Variants in LMO7 observed in about 807,000 individuals in gnomAD.
The protein encoded by LMO7 is LIM domain 7.
A neutral mutation model predicts 206.5 loss-of-function variants in LMO7; 120 were observed. That is an observed-to-expected ratio of 0.58 (90% CI 0.50 to 0.68). LMO7 has a LOEUF of 0.68. Ranked by LOEUF, LMO7 falls within the 30% of genes least tolerant of loss-of-function variation. The probability of loss-of-function intolerance (pLI) is 0.00; values close to 1 mark genes in which losing one functional copy is unlikely to be tolerated. For missense variants in LMO7, 1,959 were observed against 1,957.9 expected, an observed-to-expected ratio of 1.00 and a Z score of -0.01; for synonymous variants, 706 against 681.5, an observed-to-expected ratio of 1.04 and a Z score of -0.56.
chr13:75,625,469 GTGTGTGGTTTTGATT>G (rs1250639902), intron 2 of LMO7, among the ~76,000 whole-genome samples: 1 of 151,382 alleles, frequency 6.6e-6, no homozygotes, highest in Non-Finnish European at 1.5e-5. Flanking sequence ...GTGCATGTGT[GTGTGTGGTTTTGATT>G]CATATTAAAG....
intron 10 of LMO7, among the ~76,000 whole-genome samples, chr13:75,808,601 T>A (rs149944710): frequency 2.8e-4 from 42 of 152,336 alleles, no homozygotes; most frequent in African/African-American, 9.9e-4. Flanking sequence ...AAATTTTCCC[T>A]TAAAATATGG....
chr13:75,798,789 ATTTTAATTG>A (rs889179561), intron 6 of LMO7, among the ~76,000 whole-genome samples: 7 of 152,214 alleles, frequency 4.6e-5, no homozygotes, highest in African/African-American at 1.2e-4. Context: ...GAGGTGACTC[ATTTTAATTG>A]ACTTGTCAGC....
exon 1 of LMO7, chr13:75,621,769 G>C: frequency 6.2e-7 from 1 of 1,613,000 alleles, no homozygotes; most frequent in Non-Finnish European, 8.5e-7. Flanking sequence ...CCAGAGAACA[G>C]AGCTCGGAGC....
chr13:75,634,000 T>TG (rs1441985794), upstream of LMO7, among the ~76,000 whole-genome samples: 1 of 150,390 alleles, frequency 6.6e-6, no homozygotes, highest in Non-Finnish European at 1.5e-5. Context: ...CCAGCTAATT[T>TG]TTTTTTTTTT....
intron 5 of LMO7, among the ~76,000 whole-genome samples, chr13:75,796,182 A>G (rs1566477611): frequency 6.6e-6 from 1 of 152,224 alleles, no homozygotes; most frequent in Non-Finnish European, 1.5e-5. Flanking sequence ...GTAGACTCAT[A>G]TGTCTTACAA....
intron 1 of LMO7, among the ~76,000 whole-genome samples, chr13:75,697,498 G>A (rs1594348347): frequency 6.6e-6 from 1 of 152,112 alleles, no homozygotes; most frequent in Admixed American, 6.5e-5. Flanking sequence ...CACAAGAACA[G>A]TATAGGGGAA....
At chr13:75,697,495 A>G (rs867649223) in intron 1 of LMO7, among the ~76,000 whole-genome samples, 1 of 152,158 alleles carries the variant, frequency 6.6e-6, no homozygotes, top group African/African-American at 2.4e-5. Flanking sequence ...TATCACAAGA[A>G]CAGTATAGGG....
In LMO7 at chr13:75,807,869, T is replaced by G. The variant is rs775303043; in HGVS notation, c.1586T>G (p.Val529Gly). 1 of 1,613,882 alleles carries G rather than the reference T, an allele frequency of 6.2e-7. No individual in the cohort carries two copies. The highest frequency in any genetic ancestry group is 1.1e-5 in the South Asian group (1 of 91,064). Residue 529 changes from valine to glycine, a missense_variant, in exon 10 of 31, where the codon GTG (valine) becomes GGG (glycine). Val to Gly is a moderately radical substitution (Grantham distance 109). Coordinates refer to ENST00000377534, the MANE Select transcript of LMO7 (RefSeq NM_001306080.2). Reference sequence around the variant, plus strand: ...CGAATTCCAGCACAGAAGAAAGAAGTGCCGCTGTCTGGGGCCCCAGATAGA... The same window carrying G: ...CGAATTCCAGCACAGAAGAAAGAAGGGCCGCTGTCTGGGGCCCCAGATAGA... ...VRRIPAQKKEVPLSGAPDRYH... is the reference protein window; with the variant it reads ...VRRIPAQKKEGPLSGAPDRYH...
At chr13:75,780,295 C>T (rs1480775346) in intron 4 of LMO7, among the ~76,000 whole-genome samples, 1 of 152,174 alleles carries the variant, frequency 6.6e-6, no homozygotes, top group East Asian at 1.9e-4. Context: ...GGGCGTATTT[C>T]ATCCCAACTG....
At position 75,731,683 on chromosome 13, in the gene LMO7, T is replaced by C. The variant is rs867969274; in HGVS notation, c.210+4585T>C. On this transcript the variant is annotated intron_variant, in intron 3 of 30. Transcript: ENST00000377534. ...TTGAACCTGTCATTATGATGTTAGCTGGTTATTTTGCTCGTTAGTTGATGT... is the reference window on the plus strand; with the variant it reads ...TTGAACCTGTCATTATGATGTTAGCCGGTTATTTTGCTCGTTAGTTGATGT... Among the ~76,000 whole-genome samples the C allele has an allele frequency of 3.3e-4, 50 of 152,294 alleles. No homozygotes were observed. The Middle Eastern group carries it at 0.01, about 31-fold the overall frequency.
intron 7 of LMO7, among the ~76,000 whole-genome samples, chr13:75,801,437 G>A (rs1024761461): frequency 6.6e-6 from 1 of 152,134 alleles, no homozygotes; most frequent in Non-Finnish European, 1.5e-5. Flanking sequence ...CACCTAACAT[G>A]CAGGTAGAAA....
At chr13:75,624,395 T>C (rs1432704892) in intron 2 of LMO7, among the ~76,000 whole-genome samples, 10 of 152,232 alleles carry the variant, frequency 6.6e-5, no homozygotes. Context: ...CTCTCATTTG[T>C]AGGAGAGAGC....
At chr13:75,795,350 A>G (rs1473374882) in intron 4 of LMO7, 51 bp from the exon 5 acceptor site, 2 of 1,240,140 alleles carry the variant, frequency 1.6e-6, no homozygotes. Context: ...GCTATAATTA[A>G]TAATTTAAGG....
chr13:75,731,472 C>T (rs1476453360), intron 3 of LMO7, among the ~76,000 whole-genome samples: 35 of 151,734 alleles, frequency 2.3e-4, no homozygotes, highest in African/African-American at 7.7e-4. Context: ...TTTTGTTTTC[C>T]ATTTGCTTGG....
chr13:75,717,133 G>T (rs2043606268), intron 2 of LMO7, among the ~76,000 whole-genome samples: 1 of 151,952 alleles, frequency 6.6e-6, no homozygotes, highest in Admixed American at 6.6e-5. Context: ...GGAGTCCGAG[G>T]CGGGCGGATC....
intron 4 of LMO7, among the ~76,000 whole-genome samples, chr13:75,781,934 A>G (rs1275840922): frequency 1.3e-5 from 2 of 152,102 alleles, no homozygotes; most frequent in African/African-American, 4.8e-5. Context: ...TCTTTTGAGA[A>G]GTGTCTGTTC....
At chr13:75,786,533 C>A (rs946202955) in intron 4 of LMO7, among the ~76,000 whole-genome samples, 1 of 152,046 alleles carries the variant, frequency 6.6e-6, no homozygotes, top group Non-Finnish European at 1.5e-5. Context: ...AGCCACCACG[C>A]CTGGCTAATT....
Position 75,626,247 on chromosome 13 carries a change from T to C in LMO7, c.225+2927T>C, listed in dbSNP as rs547541915. ...CTGCTGATAAAGACATACCCGAGAC[T>C]GGGAAGAAAAAGACGTTTAATGGGA... On this transcript the variant is annotated intron_variant, in intron 2 of 29. Coordinates refer to the LMO7 transcript ENST00000341547. Among the ~76,000 whole-genome samples, 9 of 152,082 alleles carry C rather than the reference T, an allele frequency of 5.9e-5. No individual in the cohort carries two copies. The South Asian group carries it at 1.5e-3, about 25-fold the overall frequency.
chr13:75,763,832 G>A (rs2048505176), intron 4 of LMO7, among the ~76,000 whole-genome samples: 1 of 152,106 alleles, frequency 6.6e-6, no homozygotes, highest in African/African-American at 2.4e-5. Context: ...TGTTGAAAAT[G>A]AGTGGCAATA....
Sources: gnomAD v4.1 joint callset for allele counts (sites outside exome capture counted in the v4.1 genomes callset) on GRCh38, gnomAD v4.1.1 for gene constraint, MANE v1.5 for transcripts, NCBI Gene and HGNC (gene_info 2026-07-23, HGNC 2026-07-21) for gene names.